The following EPB41L3 variants were observed in gnomAD, a reference collection of about 807,000 sequenced individuals.
The protein encoded by EPB41L3 is erythrocyte membrane protein band 4.1 like 3.
Under a neutral mutation model 127.1 loss-of-function variants are expected in EPB41L3, and 57 were observed. That is an observed-to-expected ratio of 0.45 (90% CI 0.36 to 0.56). The LOEUF (loss-of-function observed/expected upper bound fraction) is 0.56, where lower values mean the gene tolerates loss of function less well. EPB41L3 is among the 20% of genes least tolerant of loss of function. The pLI is 0.00. For missense variants in EPB41L3, 1,273 were observed against 1,372.2 expected, an observed-to-expected ratio of 0.93 and a Z score of 1.14; for synonymous variants, 572 against 549.5, an observed-to-expected ratio of 1.04 and a Z score of -0.57.
chr18:5,455,645 C>A (rs1192497591), intron 3 of EPB41L3, among the ~76,000 whole-genome samples: 1 of 150,952 alleles, frequency 6.6e-6, no homozygotes, highest in Non-Finnish European at 1.5e-5. Flanking sequence ...TTGGTTCCTG[C>A]CTTCATTTGT....
At chr18:5,419,608 G>C in intron 12 of EPB41L3, 103 bp downstream of exon 12, 1 of 1,483,758 alleles carries the variant, frequency 6.7e-7, no homozygotes, top group Admixed American at 1.9e-5. Context: ...GCTGACATAT[G>C]ATTTATCCTA....
intron 3 of EPB41L3, among the ~76,000 whole-genome samples, chr18:5,458,006 C>G (rs768266689): frequency 6.6e-6 from 1 of 152,168 alleles, no homozygotes; most frequent in Non-Finnish European, 1.5e-5. Context: ...TGTATTCTTA[C>G]AGTGCCGGGC....
chr18:5,477,671 C>A (rs1433914120), intron 3 of EPB41L3, among the ~76,000 whole-genome samples: 1 of 152,166 alleles, frequency 6.6e-6, no homozygotes, highest in Non-Finnish European at 1.5e-5. Flanking sequence ...TGACAAAAGG[C>A]ATTCAACCGC....
At chr18:5,501,243 C>G (rs2091718621) in intron 1 of EPB41L3, among the ~76,000 whole-genome samples, 1 of 151,750 alleles carries the variant, frequency 6.6e-6, no homozygotes, top group African/African-American at 2.4e-5. Flanking sequence ...TACCAAGTAA[C>G]CATTATCAGC....
intron 1 of EPB41L3, chr18:5,540,317 C>G: frequency 1.0e-6 from 1 of 980,206 alleles, no homozygotes; most frequent in Non-Finnish European, 1.2e-6. Flanking sequence ...TTCATTTACA[C>G]CTTTCAATTC....
rs541697270 is a variant in EPB41L3, at chr18:5,542,476, AC to A, written c.-12+1436del. ...AAATTCTCACTGTGCCCCACTCCCC[AC>A]CCCCCCTCAACAAAAAGGACAGGCA... On this transcript the variant is annotated intron_variant, in intron 1 of 22. Transcript: ENST00000341928. 4.8e-3 allele frequency among the ~76,000 whole-genome samples: 638 copies of A among 133,290 alleles called. 10 individuals carry two copies. Among genetic ancestry groups the A allele is most frequent in the African/African-American group, 0.017 (598 of 36,048 alleles). 87.4% of individuals were successfully genotyped at this position (133,290 alleles called of 152,430 possible).
At chr18:5,598,508 T>C (rs1036838597) in intron 3 of EPB41L3, among the ~76,000 whole-genome samples, 9 of 152,214 alleles carry the variant, frequency 5.9e-5, no homozygotes, top group African/African-American at 2.2e-4. Context: ...AGTTTTCATG[T>C]TCAAAATGGT....
chr18:5,558,192 C>G lies in EPB41L3; in HGVS notation c.-306+54148G>C, dbSNP rs118135800. 1.8e-4 allele frequency among the ~76,000 whole-genome samples: 28 copies of G among 152,278 alleles called. No homozygotes were observed. In the East Asian group the frequency reaches 5.4e-3, roughly 29 times the overall value. Reference sequence around the variant, plus strand: ...TAAATGATAGAACTGAGCTTATCTGCATGGATTTTTACTTGCCAGAAGACA... The same window carrying G: ...TAAATGATAGAACTGAGCTTATCTGGATGGATTTTTACTTGCCAGAAGACA... On this transcript the variant is annotated intron_variant, in intron 3 of 21. Coordinates refer to the EPB41L3 transcript ENST00000545076.
rs1478686671 is a variant in EPB41L3, at chr18:5,622,954, T to TA, written c.-468+5967_-468+5968insT. On this transcript the variant is annotated intron_variant, in intron 1 of 21. Coordinates refer to the EPB41L3 transcript ENST00000545076. ...AGATTTGTATGGCATAATGCTGATT[T>TA]TTTTTTTTTTTTTTTTTTTTTTTAG... Among the ~76,000 whole-genome samples the TA allele has an allele frequency of 4.1e-5, 6 of 146,456 alleles. 1 individual carries two copies. Among genetic ancestry groups the TA allele is most frequent in the South Asian group, 2.2e-4 (1 of 4,478 alleles).
At chr18:5,535,717 A>G (rs1249047420) in intron 1 of EPB41L3, among the ~76,000 whole-genome samples, 1 of 152,174 alleles carries the variant, frequency 6.6e-6, no homozygotes. Flanking sequence ...TTCTCCCCAA[A>G]TTGGTGAATG....
chr18:5,461,608 T>C (rs955241251), intron 3 of EPB41L3, among the ~76,000 whole-genome samples: 2 of 152,226 alleles, frequency 1.3e-5, no homozygotes, highest in African/African-American at 2.4e-5. Context: ...GATTTGCCTA[T>C]GGTAGACTTA....
intron 16 of EPB41L3, among the ~76,000 whole-genome samples, chr18:5,405,406 CAG>C (rs1370470760): frequency 2.0e-5 from 3 of 152,186 alleles, no homozygotes; most frequent in Non-Finnish European, 4.4e-5. Context: ...TTTGTTGAAA[CAG>C]AGATAAAGCA....
chr18:5,448,303 C>T (rs527895053), intron 3 of EPB41L3, among the ~76,000 whole-genome samples: 5 of 152,296 alleles, frequency 3.3e-5, no homozygotes, highest in Admixed American at 1.3e-4. Flanking sequence ...AACTTATTTT[C>T]CAGCCCTGGA....
chr18:5,574,378 C>T (rs534735867), intron 3 of EPB41L3, among the ~76,000 whole-genome samples: 10 of 89,066 alleles, frequency 1.1e-4, no homozygotes, highest in African/African-American at 3.0e-4. Context: ...TGGCTAGAAT[C>T]AGTTTTTTTT....
At chr18:5,571,311 T>G (rs1239530735) in intron 3 of EPB41L3, among the ~76,000 whole-genome samples, 5 of 152,226 alleles carry the variant, frequency 3.3e-5, no homozygotes, top group Non-Finnish European at 7.3e-5. Flanking sequence ...GAACCCAAAA[T>G]GTTCTATAGG....
At chr18:5,623,634 A>G (rs986481969) in intron 1 of EPB41L3, among the ~76,000 whole-genome samples, 1 of 149,602 alleles carries the variant, frequency 6.7e-6, no homozygotes, top group Admixed American at 6.7e-5. Flanking sequence ...ATGAGGAATG[A>G]CATGGCTTTA....
At chr18:5,491,915 G>A (rs544101040) in intron 1 of EPB41L3, among the ~76,000 whole-genome samples, 50 of 152,178 alleles carry the variant, frequency 3.3e-4, no homozygotes, top group African/African-American at 1.2e-3. Context: ...AGTATGGATG[G>A]CCTAGATCAG....
intron 3 of EPB41L3, among the ~76,000 whole-genome samples, chr18:5,565,958 C>T (rs1444585264): frequency 1.7e-4 from 26 of 152,022 alleles, no homozygotes; most frequent in Non-Finnish European, 3.4e-4. Flanking sequence ...ATTGATGGGA[C>T]GTATCTCAAA....
chr18:5,591,487 C>T (rs1225182343), intron 3 of EPB41L3, among the ~76,000 whole-genome samples: 1 of 152,170 alleles, frequency 6.6e-6, no homozygotes, highest in African/African-American at 2.4e-5. Flanking sequence ...GGGGGCTCCA[C>T]CCTCATGACC....
Sources: allele counts gnomAD v4.1 joint callset (sites outside exome capture counted in the v4.1 genomes callset), GRCh38; gene constraint gnomAD v4.1.1; transcripts MANE v1.5; gene names NCBI Gene and HGNC (gene_info 2026-07-23, HGNC 2026-07-21).